The following NEU2 variants were observed in gnomAD, a reference collection of about 807,000 sequenced individuals.
NEU2 encodes the protein neuraminidase 2.
A neutral mutation model predicts 6.3 loss-of-function variants in NEU2; 7 were observed. The ratio of observed to expected loss-of-function variants is 1.12; its 90% confidence interval spans 0.63 to 2.10. The LOEUF is 2.10. NEU2 is among the 30% of genes most tolerant of loss of function. The pLI is 0.00. For missense variants in NEU2, 509 were observed against 504.0 expected, an observed-to-expected ratio of 1.01 and a Z score of -0.09; for synonymous variants, 208 against 223.3, an observed-to-expected ratio of 0.93 and a Z score of 0.61.
Position 233,034,090 on chromosome 2 carries a change from C to T in NEU2, c.202-26C>T. ...CCATCCCCAGCTGTTTCAAGGCTGC[C>T]TTCTTCTTTCTCTCTCCCTACTCAG... On this transcript the variant is annotated intron_variant, in intron 1 of 1. Transcript: ENST00000233840. This position sits in a 1 kb window ranked among gnomAD's most constrained non-coding sequence, Gnocchi z 4.8. 1.3e-6 allele frequency: 2 copies of T among 1,574,428 alleles called. No homozygotes were observed. The highest frequency in any genetic ancestry group is 1.8e-5 in the Admixed American group (1 of 56,740).
Position 233,034,018 on chromosome 2 carries a change from G to A in NEU2, c.202-98G>A, listed in dbSNP as rs1166349708. 39 of 1,039,584 alleles carry A rather than the reference G, an allele frequency of 3.8e-5. No individual in the cohort carries two copies. Among genetic ancestry groups the A allele is most frequent in the South Asian group, 9.1e-5 (6 of 65,706 alleles). 64.4% of individuals were successfully genotyped at this position (1,039,584 alleles called of 1,614,324 possible). A position where few individuals can be genotyped will look rare whatever the true frequency, so the allele number is the denominator to read the frequency against. On this transcript the variant is annotated intron_variant, in intron 1 of 1. Transcript: ENST00000233840. This position sits in a 1 kb window ranked among gnomAD's most constrained non-coding sequence, Gnocchi z 4.8. The stretch of plus-strand genomic sequence containing the variant: ...TCTCGATGACTTTTGACTCTAACCC[G>A]GGAGACACACCCGTGCCCACCCCTC...
At position 233,034,949 on chromosome 2, in the gene NEU2, T is replaced by C; in HGVS notation, c.1035T>C (p.Asp345=). ...TCCAGAGCATGGGCACCGGCCCTGATGGGTCCCCCTTGTTTGGGTGTCTGT... is the reference window on the plus strand; with the variant it reads ...TCCAGAGCATGGGCACCGGCCCTGACGGGTCCCCCTTGTTTGGGTGTCTGT... ...SDLQSMGTGP[D]GSPLFGCLYE... Residue 345 remains aspartate, a synonymous_variant, in exon 2 of 2, where the codon GAT becomes GAC. Coordinates refer to ENST00000233840, the MANE Select transcript of NEU2 (RefSeq NM_005383.2). The surrounding 1 kb of genome is among the most constrained non-coding windows in gnomAD (Gnocchi z 4.8). 1 of 1,614,210 alleles carries C rather than the reference T, an allele frequency of 6.2e-7. No individual in the cohort carries two copies.
In NEU2 at chr2:233,034,606, T is replaced by C; in HGVS notation, c.692T>C (p.Val231Ala). 1.9e-6 allele frequency: 3 copies of C among 1,612,938 alleles called. No homozygotes were observed. The highest frequency in any genetic ancestry group is 2.5e-6 in the Non-Finnish European group (3 of 1,179,280). Residue 231 changes from valine to alanine, a missense_variant, in exon 2 of 2, where the codon GTG becomes GCG. Transcript: ENST00000233840. The surrounding 1 kb of genome is among the most constrained non-coding windows in gnomAD (Gnocchi z 4.8). ...VAEVETGEQRVVTLNARSHLR... is the reference protein window; with the variant it reads ...VAEVETGEQRAVTLNARSHLR... ...GAAGTCGAGACTGGGGAGCAGAGGG[T>C]GGTGACCCTCAACGCGAGAAGCCAC... is the stretch of plus-strand genomic sequence containing the variant.
At chr2:233,033,592 A>G (rs1447138456) in intron 1 of NEU2, among the ~76,000 whole-genome samples, 2 of 152,232 alleles carry the variant, frequency 1.3e-5, no homozygotes, top group Admixed American at 6.5e-5. Context: ...CAGACAGCAC[A>G]TGTGACATAG....
chr2:233,033,937 C>T (rs1380021198), intron 1 of NEU2, among the ~76,000 whole-genome samples, 179 bp from the exon 2 acceptor site: 2 of 152,096 alleles, frequency 1.3e-5, no homozygotes, highest in East Asian at 3.9e-4. Context: ...CACCCTGGGC[C>T]CCGCAGCTCT....
At chr2:233,033,019 A>T in intron 1 of NEU2, 147 bp downstream of exon 1, 1 of 881,124 alleles carries the variant, frequency 1.1e-6, no homozygotes, top group Non-Finnish European at 1.7e-6. Context: ...AGAGCAGAGA[A>T]AGTGCCCCTA....
chr2:233,034,945 C>G lies in NEU2; in HGVS notation c.1031C>G (p.Pro344Arg). ...GACCTCCAGAGCATGGGCACCGGCC[C>G]TGATGGGTCCCCCTTGTTTGGGTGT... Reference protein sequence around the residue: ...YSDLQSMGTGPDGSPLFGCLY... With the variant: ...YSDLQSMGTGRDGSPLFGCLY... The change falls in exon 2 of 2, where the codon CCT (proline) becomes CGT (arginine). Residue 344 changes from proline to arginine, a missense_variant. By Grantham distance (103) the Pro-to-Arg change is moderately radical. Transcript: ENST00000233840. This position sits in a 1 kb window ranked among gnomAD's most constrained non-coding sequence, Gnocchi z 4.8. The G allele has an allele frequency of 6.2e-7, 1 of 1,614,180 alleles. No homozygotes were observed. The highest frequency in any genetic ancestry group is 8.5e-7 in the Non-Finnish European group (1 of 1,180,020).
At chr2:233,033,625 A>G (rs773336005) in intron 1 of NEU2, among the ~76,000 whole-genome samples, 12 of 152,234 alleles carry the variant, frequency 7.9e-5, no homozygotes, top group Admixed American at 6.5e-5. Flanking sequence ...TGGAAGCTCA[A>G]TGTGACTCCT....
rs761564946 is a variant in NEU2, at chr2:233,032,763, A to C, written c.92A>C (p.Gln31Pro). The change falls in exon 1 of 2, where the codon CAG becomes CCG. Residue 31 changes from glutamine (Q) to proline (P), a missense_variant. Coordinates refer to ENST00000233840, the MANE Select transcript of NEU2 (RefSeq NM_005383.2). ...RIPALLYLPG[Q>P]QSLLAFAEQR... ...CCTGCCCTGCTCTACCTGCCTGGGC[A>C]GCAGTCCCTGCTGGCCTTCGCGGAA... is the stretch of plus-strand genomic sequence containing the variant. The C allele has an allele frequency of 1.9e-6, 3 of 1,614,244 alleles. No homozygotes were observed. In the South Asian group the frequency reaches 3.3e-5, roughly 18 times the overall value.
chr2:233,033,459 A>T (rs1690542287), intron 1 of NEU2, among the ~76,000 whole-genome samples: 1 of 152,140 alleles, frequency 6.6e-6, no homozygotes, highest in South Asian at 2.1e-4. Flanking sequence ...CACTGTAATA[A>T]TGGAGCTACT....
In NEU2 at chr2:233,034,951, G is replaced by T. The variant is rs754007679; in HGVS notation, c.1037G>T (p.Gly346Val). The T allele has an allele frequency of 3.7e-6, 6 of 1,614,178 alleles. No homozygotes were observed. In the East Asian group the frequency reaches 1.3e-4, roughly 36 times the overall value. The change falls in exon 2 of 2, where the codon GGG becomes GTG. Residue 346 changes from glycine to valine, a missense_variant. By Grantham distance (109) the Gly-to-Val change is moderately radical. Coordinates refer to ENST00000233840, the MANE Select transcript of NEU2 (RefSeq NM_005383.2). The surrounding 1 kb of genome is among the most constrained non-coding windows in gnomAD (Gnocchi z 4.8). ...DLQSMGTGPDGSPLFGCLYEA... is the reference protein window; with the variant it reads ...DLQSMGTGPDVSPLFGCLYEA... ...CAGAGCATGGGCACCGGCCCTGATG[G>T]GTCCCCCTTGTTTGGGTGTCTGTAC...
Position 233,033,391 on chromosome 2 carries a change from C to T in NEU2, c.201+519C>T, listed in dbSNP as rs867601628. 1.2e-4 allele frequency among the ~76,000 whole-genome samples: 18 copies of T among 152,168 alleles called. No individual in the cohort carries two copies. The South Asian group carries it at 2.1e-3, about 18-fold the overall frequency. ...TGGACCTGGGTTCAAGTCCTGGTTC[C>T]GCCACTGACCACAGATGTGGCCTAG... is the stretch of plus-strand genomic sequence containing the variant. On this transcript the variant is annotated intron_variant, in intron 1 of 1. Coordinates refer to ENST00000233840, the MANE Select transcript of NEU2 (RefSeq NM_005383.2).
rs1056414639 is a variant in NEU2, at chr2:233,032,845, C to A, written c.174C>A (p.Asp58Glu). 3 of 1,610,280 alleles carry A rather than the reference C, an allele frequency of 1.9e-6. No individual in the cohort carries two copies. The highest frequency in any genetic ancestry group is 2.5e-6 in the Non-Finnish European group (3 of 1,178,258). The change falls in exon 1 of 2, where the codon GAC (aspartate) becomes GAA (glutamate). Residue 58 changes from aspartate to glutamate, a missense_variant. Physicochemically the swap from Asp to Glu is conservative, Grantham distance 45 (BLOSUM62 2). Coordinates refer to ENST00000233840, the MANE Select transcript of NEU2 (RefSeq NM_005383.2). ...AGCTGATTGTCCTGCGCAGAGGAGACTACGACGCACCCACCCACCAGGTTC... is the reference window on the plus strand; with the variant it reads ...AGCTGATTGTCCTGCGCAGAGGAGAATACGACGCACCCACCCACCAGGTTC... Reference protein sequence around the residue: ...HAELIVLRRGDYDAPTHQVQW... With the variant: ...HAELIVLRRGEYDAPTHQVQW...
Position 233,034,760 on chromosome 2 carries a change from CCGCTCGGGGCCTGGCTCCCCAGCCCA to C in NEU2, c.847_872del (p.Arg283ValfsTer28). On this transcript the variant is annotated frameshift_variant, in exon 2 of 2. Coordinates refer to ENST00000233840, the MANE Select transcript of NEU2 (RefSeq NM_005383.2). LOFTEE classifies it low-confidence loss of function (END_TRUNC). This position sits in a 1 kb window ranked among gnomAD's most constrained non-coding sequence, Gnocchi z 4.8. ...GGAGCGTCATCAGCTTCCCCAGCCC[CCGCTCGGGGCCTGGCTCCCCAGCCCA>C]GTGGCTGCTCTACACTCACCCCACA... is the stretch of plus-strand genomic sequence containing the variant. 5 of 1,535,756 alleles carry C rather than the reference CCGCTCGGGGCCTGGCTCCCCAGCCCA, an allele frequency of 3.3e-6. No individual in the cohort carries two copies. The South Asian group carries it at 3.8e-5, about 12-fold the overall frequency.
Position 233,034,037 on chromosome 2 carries a change from AC to A in NEU2, c.202-75del. On this transcript the variant is annotated intron_variant, in intron 1 of 1. Transcript: ENST00000233840. This position sits in a 1 kb window ranked among gnomAD's most constrained non-coding sequence, Gnocchi z 4.8. Reference sequence around the variant, plus strand: ...TAACCCGGGAGACACACCCGTGCCCACCCCTCCCACTCATGCAGCTCCTGGC... The same window carrying A: ...TAACCCGGGAGACACACCCGTGCCCACCCTCCCACTCATGCAGCTCCTGGC... The A allele has an allele frequency of 8.0e-7, 1 of 1,247,842 alleles. No homozygotes were observed. The highest frequency in any genetic ancestry group is 1.1e-6 in the Non-Finnish European group (1 of 894,708). The allele number at this position is 1,247,842 out of a possible 1,614,324, so 77.3% of individuals were successfully genotyped here. A position where few individuals can be genotyped will look rare whatever the true frequency, so the allele number is the denominator to read the frequency against.
intron 1 of NEU2, among the ~76,000 whole-genome samples, chr2:233,033,290 T>G (rs1690539639): frequency 6.6e-6 from 1 of 152,176 alleles, no homozygotes; most frequent in African/African-American, 2.4e-5. Flanking sequence ...TGATCATATT[T>G]GAAGAGTTTA....
Position 233,032,779 on chromosome 2 carries a change from C to A in NEU2, c.108C>A (p.Ala36=), listed in dbSNP as rs1435307420. ...LYLPGQQSLL[A]FAEQRASKKD... is the part of the protein sequence containing the mutation. ...TGCCTGGGCAGCAGTCCCTGCTGGC[C>A]TTCGCGGAACAGCGGGCAAGCAAGA... Residue 36 remains alanine, a synonymous_variant, in exon 1 of 2, where the codon GCC becomes GCA. Coordinates refer to ENST00000233840, the MANE Select transcript of NEU2 (RefSeq NM_005383.2). The A allele has an allele frequency of 1.2e-6, 2 of 1,614,246 alleles. No individual in the cohort carries two copies. The highest frequency in any genetic ancestry group is 1.7e-6 in the Non-Finnish European group (2 of 1,180,052).
intron 1 of NEU2, among the ~76,000 whole-genome samples, chr2:233,033,631 C>A (rs1377828495): frequency 6.6e-6 from 1 of 152,234 alleles, no homozygotes; most frequent in Admixed American, 6.5e-5. Flanking sequence ...CTCAATGTGA[C>A]TCCTCCTTGG....
rs146336403 is a variant in NEU2 at position 233,034,147 on chromosome 2, G to A, written c.233G>A (p.Arg78Gln). 7.4e-5 allele frequency: 120 copies of A among 1,613,098 alleles called. 1 individual carries two copies. The highest frequency in any genetic ancestry group is 1.6e-4 in the African/African-American group (12 of 74,950). Residue 78 changes from arginine to glutamine, a missense_variant, in exon 2 of 2, where the codon CGG (arginine) becomes CAG (glutamine). By Grantham distance (43) the Arg-to-Gln change is conservative (BLOSUM62 1). Transcript: ENST00000233840. This position sits in a 1 kb window ranked among gnomAD's most constrained non-coding sequence, Gnocchi z 4.8. ...GCTCAGGAGGTGGTGGCCCAGGCCC[G>A]GCTGGATGGCCACCGGTCCATGAAC... ...WQAQEVVAQA[R>Q]LDGHRSMNPC...
Sources: allele counts gnomAD v4.1 joint callset (sites outside exome capture counted in the v4.1 genomes callset), GRCh38; gene constraint gnomAD v4.1.1; non-coding constraint Gnocchi (gnomAD v3.1); transcripts MANE v1.5; gene names NCBI Gene and HGNC (gene_info 2026-07-23, HGNC 2026-07-21).